The following PEAR1 variants were observed in gnomAD, a reference collection of about 807,000 sequenced individuals.
PEAR1 encodes platelet endothelial aggregation receptor 1.
PEAR1 carries 113 observed loss-of-function variants against 131.2 expected under a neutral mutation model. The ratio of observed to expected loss-of-function variants is 0.86; its 90% confidence interval spans 0.74 to 1.01. PEAR1 has a LOEUF of 1.01. Among genes scored for constraint, PEAR1 ranks in the 50% least tolerant of loss-of-function variants. PEAR1 has a pLI of 0.00. For missense variants in PEAR1, 1,408 were observed against 1,391.1 expected, an observed-to-expected ratio of 1.01 and a Z score of -0.19; for synonymous variants, 565 against 523.3, an observed-to-expected ratio of 1.08 and a Z score of -1.09.
At position 156,912,300 on chromosome 1, in the gene PEAR1, C is replaced by G. The variant is rs1227032884; in HGVS notation, c.2005C>G (p.His669Asp). 1 of 1,613,936 alleles carries G rather than the reference C, an allele frequency of 6.2e-7. No individual in the cohort carries two copies. The highest frequency in any genetic ancestry group is 8.5e-7 in the Non-Finnish European group (1 of 1,180,010). ...CTGTGCCCAGACCTGCCAATGTCAC[C>G]ATGGTGGGACCTGCCATCCCCAGGA... is the stretch of plus-strand genomic sequence containing the variant. ...ENCAQTCQCH[H>D]GGTCHPQDGS... The change falls in exon 16 of 23, where the codon CAT (histidine) becomes GAT (aspartate). Residue 669 changes from histidine to aspartate, a missense_variant. Coordinates refer to ENST00000292357, the MANE Select transcript of PEAR1 (RefSeq NM_001080471.3).
Position 156,913,851 on chromosome 1 carries a change from G to A in PEAR1, c.2714-1G>A, listed in dbSNP as rs1651567951. On this transcript the variant is annotated splice_acceptor_variant, in intron 21 of 22. Transcript: ENST00000292357. LOFTEE classifies it high-confidence loss of function. ...GCCTGACTTCTTTCCTCTATCCTTAGGGCTCATCTCTGAAGAGGAGCTCGG... is the reference window on the plus strand; with the variant it reads ...GCCTGACTTCTTTCCTCTATCCTTAAGGCTCATCTCTGAAGAGGAGCTCGG... The A allele has an allele frequency of 6.2e-7, 1 of 1,612,640 alleles. No homozygotes were observed. The highest frequency in any genetic ancestry group is 8.5e-7 in the Non-Finnish European group (1 of 1,179,274).
chr1:156,909,649 C>T (rs1650809777), intron 11 of PEAR1, 102 bp from the exon 12 acceptor site: 2 of 1,349,950 alleles, frequency 1.5e-6, no homozygotes, highest in African/African-American at 1.5e-5. Flanking sequence ...CCCCCACCCA[C>T]CCCAGCTCAT....
At chr1:156,913,576 A>T (rs1014864987) in intron 20 of PEAR1, 53 bp downstream of exon 20, 50 of 1,605,468 alleles carry the variant, frequency 3.1e-5, no homozygotes, top group Admixed American at 1.3e-4. Context: ...TGCAGCCCAG[A>T]TGCCGCGTCT....
At position 156,908,380 on chromosome 1, in the gene PEAR1, A is replaced by G. The variant is rs771954105; in HGVS notation, c.1115+40A>G. Reference sequence around the variant, plus strand: ...ATGTGGTCAAAGGATCAGGAGGCCAATGGGGAGGTCTTCCTGGCCGAAGTC... The same window carrying G: ...ATGTGGTCAAAGGATCAGGAGGCCAGTGGGGAGGTCTTCCTGGCCGAAGTC... On this transcript the variant is annotated intron_variant, in intron 9 of 22. Coordinates refer to ENST00000292357, the MANE Select transcript of PEAR1 (RefSeq NM_001080471.3). The surrounding 1 kb of genome is among the most constrained non-coding windows in gnomAD (Gnocchi z 4.2). 42 of 1,461,580 alleles carry G rather than the reference A, an allele frequency of 2.9e-5. No individual in the cohort carries two copies. Among genetic ancestry groups the G allele is most frequent in the Middle Eastern group, 1.8e-4 (1 of 5,614 alleles). 90.5% of individuals were successfully genotyped at this position (1,461,580 alleles called of 1,614,324 possible). A position where few individuals can be genotyped will look rare whatever the true frequency, so the allele number is the denominator to read the frequency against.
rs201110939 is a variant in PEAR1, at chr1:156,912,242, C to T, written c.1952-5C>T. 7.3e-5 allele frequency: 118 copies of T among 1,609,730 alleles called. No homozygotes were observed. The Admixed American group carries it at 1.2e-3, about 17-fold the overall frequency. On this transcript the variant is annotated splice_polypyrimidine_tract_variant and splice_region_variant and intron_variant, in intron 15 of 22. Coordinates refer to ENST00000292357, the MANE Select transcript of PEAR1 (RefSeq NM_001080471.3). Reference sequence around the variant, plus strand: ...CCCACCAGACAGGCCCCATGTCTCCCGTAGCATGCCCTCCAGGACACTGGG... The same window carrying T: ...CCCACCAGACAGGCCCCATGTCTCCTGTAGCATGCCCTCCAGGACACTGGG...
chr1:156,904,629 C>G (rs41267433), intron 2 of PEAR1, 119 bp from the exon 3 acceptor site: 138,480 of 1,007,676 alleles, frequency 0.14, 11,668 homozygotes, highest in East Asian at 0.4. Flanking sequence ...GCTACGAGAG[C>G]AGCCCCAGCG....
At chr1:156,906,611 C>G (rs766630656) in intron 5 of PEAR1, 26 bp from the exon 6 acceptor site, 1 of 1,613,574 alleles carries the variant, frequency 6.2e-7, no homozygotes, top group Admixed American at 1.7e-5. Flanking sequence ...CCCTGGTGAC[C>G]CCCTTCCCGC....
intron 3 of PEAR1, 138 bp from the exon 4 acceptor site, chr1:156,905,186 C>A: frequency 1.8e-6 from 2 of 1,094,694 alleles, no homozygotes; most frequent in South Asian, 3.0e-5. Context: ...GCACTGCAAC[C>A]TCAAACAGGG....
chr1:156,908,868 A>T lies in PEAR1; in HGVS notation c.1290+39A>T, dbSNP rs1235838385. On this transcript the variant is annotated intron_variant, in intron 10 of 22. Transcript: ENST00000292357. This position sits in a 1 kb window ranked among gnomAD's most constrained non-coding sequence, Gnocchi z 4.2. ...GGCTGCAAGGAAGCGAGGCAGGTGG[A>T]GAGGCCAAGGAATGGGCCGCCCCTC... The T allele has an allele frequency of 2.5e-6, 4 of 1,607,476 alleles. No homozygotes were observed. Among genetic ancestry groups the T allele is most frequent in the Non-Finnish European group, 3.4e-6 (4 of 1,178,230 alleles).
chr1:156,910,451 C>T, intron 14 of PEAR1, 71 bp downstream of exon 14: 1 of 1,544,226 alleles, frequency 6.5e-7, no homozygotes, highest in South Asian at 1.2e-5. Context: ...CCAGAGCACC[C>T]CTCCCCCCGC....
intron 15 of PEAR1, among the ~76,000 whole-genome samples, chr1:156,911,045 C>CTTTCTTTCTTTCTTTCTTTT (rs1558143370): frequency 8.2e-5 from 8 of 97,884 alleles, no homozygotes; most frequent in African/African-American, 3.7e-4. Context: ...CTTTTTCTTT[C>CTTTCTTTCTTTCTTTCTTTT]TTTCTTTCTT....
intron 1 of PEAR1, among the ~76,000 whole-genome samples, chr1:156,897,388 A>G (rs983140030): frequency 2.0e-5 from 3 of 152,224 alleles, no homozygotes; most frequent in Non-Finnish European, 4.4e-5. Flanking sequence ...AGACTCACAA[A>G]CCAGCAATCA....
Position 156,910,002 on chromosome 1 carries a change from CAAG to C in PEAR1, c.1576_1578del. On this transcript the variant is annotated splice_acceptor_variant and splice_polypyrimidine_tract_variant and intron_variant, in intron 12 of 22. Transcript: ENST00000292357. LOFTEE classifies it high-confidence loss of function. Reference sequence around the variant, plus strand: ...GCCTACCTGCTCCCCACTCCTTCTCCAAGAAGGGGCAGTTTGGAGAAGGTTGTG... The same window carrying C: ...GCCTACCTGCTCCCCACTCCTTCTCCAAGGGGCAGTTTGGAGAAGGTTGTG... 1 of 1,613,508 alleles carries C rather than the reference CAAG, an allele frequency of 6.2e-7. No homozygotes were observed. The highest frequency in any genetic ancestry group is 1.1e-5 in the South Asian group (1 of 91,088).
At chr1:156,911,265 C>T (rs1183084999) in intron 15 of PEAR1, among the ~76,000 whole-genome samples, 2 of 86,866 alleles carry the variant, frequency 2.3e-5, no homozygotes, top group African/African-American at 7.7e-5. Flanking sequence ...TCTTTTCTCT[C>T]CCTCCCTCTC....
intron 6 of PEAR1, among the ~76,000 whole-genome samples, chr1:156,907,346 A>G (rs1190226138): frequency 6.6e-6 from 1 of 152,160 alleles, no homozygotes; most frequent in Non-Finnish European, 1.5e-5. Flanking sequence ...TGAACAGACC[A>G]AGCCAAGGTG....
Position 156,913,938 on chromosome 1 carries a change from T to C in PEAR1, c.2800T>C (p.Leu934=), listed in dbSNP as rs1390497267. ...TGCCACCATCCGGGACCTGCCCAGC[T>C]TGCCAGGGGGCCCCCGGGAGAGCAG... ...PYATIRDLPS[L]PGGPRESSYM... is the part of the protein sequence containing the mutation. Residue 934 remains leucine (L), a synonymous_variant, in exon 22 of 23, where the codon TTG becomes CTG. Transcript: ENST00000292357. The C allele has an allele frequency of 2.5e-6, 4 of 1,614,042 alleles. No individual in the cohort carries two copies. The highest frequency in any genetic ancestry group is 3.4e-6 in the Non-Finnish European group (4 of 1,179,992).
chr1:156,912,260 A>G lies in PEAR1; in HGVS notation c.1965A>G (p.Gly655=), dbSNP rs1030200060. 5 of 1,613,350 alleles carry G rather than the reference A, an allele frequency of 3.1e-6. No individual in the cohort carries two copies. The highest frequency in any genetic ancestry group is 4.2e-6 in the Non-Finnish European group (5 of 1,179,784). The change falls in exon 16 of 23, where the codon GGA becomes GGG. Residue 655 remains glycine (G), a synonymous_variant. Transcript: ENST00000292357. ...TGTCTCCCGTAGCATGCCCTCCAGG[A>G]CACTGGGGAGAAAACTGTGCCCAGA... ...GPDCSQPCPP[G]HWGENCAQTC... is the part of the protein sequence containing the mutation.
Position 156,903,952 on chromosome 1 carries a change from T to G in PEAR1, c.26T>G (p.Leu9Arg), listed in dbSNP as rs759031395. 6.2e-7 allele frequency: 1 copy of G among 1,614,010 alleles called. No homozygotes were observed. Among genetic ancestry groups the G allele is most frequent in the African/African-American group, 1.3e-5 (1 of 75,018 alleles). Residue 9 changes from leucine to arginine, a missense_variant, in exon 2 of 23, where the codon CTT becomes CGT. Transcript: ENST00000292357. MSPPLCPL[L>R]LLAVGLRLAG... is the part of the protein sequence containing the mutation. ...ATGTCACCGCCTCTGTGTCCCCTCC[T>G]TCTCCTGGCTGTGGGCCTGCGGCTG...
chr1:156,911,057 C>A (rs138468294), intron 15 of PEAR1, among the ~76,000 whole-genome samples: 6 of 112,522 alleles, frequency 5.3e-5, no homozygotes, highest in Non-Finnish European at 9.7e-5. Context: ...TTCTTTCTTT[C>A]TTTCTTTCTT....
Sources: gnomAD v4.1 joint callset for allele counts (sites outside exome capture counted in the v4.1 genomes callset) on GRCh38, gnomAD v4.1.1 for gene constraint, Gnocchi (gnomAD v3.1) non-coding constraint, MANE v1.5 for transcripts, NCBI Gene and HGNC (gene_info 2026-07-23, HGNC 2026-07-21) for gene names.